LPCAT1: variants seen among roughly 807,000 people sequenced by gnomAD.
LPCAT1 encodes the protein lysophosphatidylcholine acyltransferase 1, also known as 1-acylglycerol-3-phosphate O-acyltransferase.
Under a neutral mutation model 60.9 loss-of-function variants are expected in LPCAT1, and 23 were observed. The observed-to-expected ratio is 0.38, with a 90% CI of 0.27 to 0.53. LPCAT1 has a LOEUF of 0.53. Ranked by LOEUF, LPCAT1 falls within the 20% of genes least tolerant of loss-of-function variation. The pLI, the probability that LPCAT1 is intolerant of heterozygous loss-of-function variation, is 0.82. For missense variants in LPCAT1, 622 were observed against 723.6 expected, an observed-to-expected ratio of 0.86 and a Z score of 1.61; for synonymous variants, 340 against 301.1, an observed-to-expected ratio of 1.13 and a Z score of -1.34.
Position 1,463,733 on chromosome 5 carries a change from G to A in LPCAT1, c.1523C>T (p.Pro508Leu), listed in dbSNP as rs142709570. The change falls in exon 14 of 14, where the codon CCA (proline) becomes CTA (leucine). Residue 508 changes from proline to leucine, a missense_variant. By Grantham distance (98) the Pro-to-Leu change is moderately conservative (BLOSUM62 -3). Around this residue, in one of 3 missense-constraint regions of LPCAT1, gnomAD observed 288 missense variants for 283.6 expected, o/e 1.02. Transcript: ENST00000283415. ...FESCAETSPA[P>L]IPNGFCADFS... ...ATCGGCACAGAAGCCGTTTGGGATT[G>A]GCGCAGGTGAGGTCTCTGCACAGCT... 3.9e-5 allele frequency: 63 copies of A among 1,614,268 alleles called. No individual in the cohort carries two copies. The African/African-American group carries it at 8.0e-4, about 20-fold the overall frequency.
rs199553328 is a variant in LPCAT1 at position 1,474,070 on chromosome 5, A to C, written c.1066T>G (p.Ser356Ala). 24 of 1,614,184 alleles carry C rather than the reference A, an allele frequency of 1.5e-5. No homozygotes were observed. In the Admixed American group the frequency reaches 3.8e-4, roughly 26 times the overall value. Reference protein sequence around the residue: ...EKLEKDLDRYSERARMKGGEK... With the variant: ...EKLEKDLDRYAERARMKGGEK... ...CCTCCCTTCATCCTGGCTCTTTCTG[A>C]GTATCTGTCCAGATCTTTTTCAAGC... is the stretch of plus-strand genomic sequence containing the variant. Residue 356 changes from serine (S) to alanine (A), a missense_variant, in exon 11 of 14, where the codon TCA becomes GCA. By Grantham distance (99) the Ser-to-Ala change is moderately conservative. Coordinates refer to ENST00000283415, the MANE Select transcript of LPCAT1 (RefSeq NM_024830.5).
rs189972752 is a variant in LPCAT1, at chr5:1,483,834, T to A, written c.668-348A>T. ...TGGAGGGACACTTTCTGCTGTAACA[T>A]CGCGCACCAGCTGGAAGGCGTCTGT... On this transcript the variant is annotated intron_variant, in intron 5 of 13. Transcript: ENST00000283415. The surrounding 1 kb of genome is among the most constrained non-coding windows in gnomAD (Gnocchi z 9.2). Among the ~76,000 whole-genome samples, 153 of 146,912 alleles carry A rather than the reference T, an allele frequency of 1.0e-3. 1 individual carries two copies. The highest frequency in any genetic ancestry group is 3.4e-3 in the Middle Eastern group (1 of 292).
Position 1,477,356 on chromosome 5 carries a change from T to C in LPCAT1, c.899+48A>G. 4 of 1,491,242 alleles carry C rather than the reference T, an allele frequency of 2.7e-6. No individual in the cohort carries two copies. Among genetic ancestry groups the C allele is most frequent in the Non-Finnish European group, 3.7e-6 (4 of 1,071,408 alleles). The allele number at this position is 1,491,242 out of a possible 1,614,324, so 92.4% of individuals were successfully genotyped here. A position where few individuals can be genotyped will look rare whatever the true frequency, so the allele number is the denominator to read the frequency against. On this transcript the variant is annotated intron_variant, in intron 9 of 13. Coordinates refer to ENST00000283415, the MANE Select transcript of LPCAT1 (RefSeq NM_024830.5). This position sits in a 1 kb window ranked among gnomAD's most constrained non-coding sequence, Gnocchi z 6.0. ...TTTAAATATACAGAGAGCAGCACTC[T>C]GGGAGACACCCCTGACTCGGCGATG...
chr5:1,516,461 C>T (rs573836788), intron 1 of LPCAT1, among the ~76,000 whole-genome samples: 2 of 152,314 alleles, frequency 1.3e-5, no homozygotes, highest in East Asian at 3.9e-4. Context: ...CCCAGGCATT[C>T]CATGCTGATC....
intron 1 of LPCAT1, among the ~76,000 whole-genome samples, chr5:1,519,865 T>C (rs2126628151): frequency 6.6e-6 from 1 of 152,316 alleles, no homozygotes. Flanking sequence ...CCTGGCCTTC[T>C]CCATCCTCCC....
rs1232473180 is a variant in LPCAT1 at position 1,483,083 on chromosome 5, G to T, written c.726+345C>A. ...CCTGGCCGGTGATGTGGGGTGGAGG[G>T]GTTCCCTCTCCAAAATGTCAGGTTT... On this transcript the variant is annotated intron_variant, in intron 6 of 13. Coordinates refer to ENST00000283415, the MANE Select transcript of LPCAT1 (RefSeq NM_024830.5). This position sits in a 1 kb window ranked among gnomAD's most constrained non-coding sequence, Gnocchi z 9.2. Among the ~76,000 whole-genome samples, 1 of 152,188 alleles carries T rather than the reference G, an allele frequency of 6.6e-6. No individual in the cohort carries two copies.
chr5:1,510,906 G>A (rs1379705378), intron 1 of LPCAT1: 1 of 152,490 alleles, frequency 6.6e-6, no homozygotes, highest in Non-Finnish European at 1.5e-5. Context: ...GAGGAGTGCA[G>A]TGTCTCTGGA....
chr5:1,498,565 ACT>A (rs1240254293), intron 2 of LPCAT1, among the ~76,000 whole-genome samples: 1 of 152,164 alleles, frequency 6.6e-6, no homozygotes, highest in East Asian at 1.9e-4. Flanking sequence ...ACACACATAT[ACT>A]CTCATACACA....
intron 1 of LPCAT1, among the ~76,000 whole-genome samples, chr5:1,507,195 T>C (rs1472144981): frequency 2.6e-5 from 4 of 152,104 alleles, no homozygotes; most frequent in Non-Finnish European, 5.9e-5. Context: ...GGGAGGACAC[T>C]GTGGACGCCT....
intron 1 of LPCAT1, among the ~76,000 whole-genome samples, chr5:1,514,396 C>T (rs953362117): frequency 5.9e-5 from 9 of 152,338 alleles, no homozygotes; most frequent in South Asian, 2.1e-4. Context: ...CCATGCCAAA[C>T]GCTCGCGGTG....
At chr5:1,470,058 G>T (rs1734604104) in intron 12 of LPCAT1, among the ~76,000 whole-genome samples, 1 of 152,246 alleles carries the variant, frequency 6.6e-6, no homozygotes, top group Admixed American at 6.5e-5. Flanking sequence ...GCAAGAGAAG[G>T]GAGTTCTTGG....
At chr5:1,485,279 C>T (rs1026274472) in intron 5 of LPCAT1, among the ~76,000 whole-genome samples, 15 of 152,138 alleles carry the variant, frequency 9.9e-5, no homozygotes, top group African/African-American at 1.4e-4. Context: ...ATGGAAACCC[C>T]GGTGGGAAAG....
rs1734804458 is a variant in LPCAT1, at chr5:1,474,171, A to AT, written c.1026-62dup. 2.0e-6 allele frequency: 3 copies of AT among 1,532,598 alleles called. No individual in the cohort carries two copies. In the African/African-American group the frequency reaches 4.1e-5, roughly 21 times the overall value. The allele number at this position is 1,532,598 out of a possible 1,614,324, so 94.9% of individuals were successfully genotyped here. A position where few individuals can be genotyped will look rare whatever the true frequency, so the allele number is the denominator to read the frequency against. ...TAAAATGGTGGCATGCTAACACCAG[A>AT]TTTACTTCTAAGACTCATCAAAATA... On this transcript the variant is annotated intron_variant, in intron 10 of 13. Transcript: ENST00000283415.
At chr5:1,509,179 G>A (rs1424323667) in intron 1 of LPCAT1, among the ~76,000 whole-genome samples, 1 of 152,262 alleles carries the variant, frequency 6.6e-6, no homozygotes, top group African/African-American at 2.4e-5. Flanking sequence ...CGAAGGCCGC[G>A]AGGCCGCGTC....
intron 3 of LPCAT1, 109 bp from the exon 4 acceptor site, chr5:1,489,967 G>C: frequency 1.3e-6 from 1 of 788,432 alleles, no homozygotes; most frequent in Non-Finnish European, 2.2e-6. Flanking sequence ...GGAGACTCCA[G>C]ATGCCCCAGG....
intron 3 of LPCAT1, among the ~76,000 whole-genome samples, chr5:1,492,152 G>A (rs1365613789): frequency 6.6e-6 from 1 of 152,048 alleles, no homozygotes; most frequent in Non-Finnish European, 1.5e-5. Flanking sequence ...TGGGACCACG[G>A]GAGATGTCTC....
chr5:1,494,335 C>T (rs765788036), intron 3 of LPCAT1, among the ~76,000 whole-genome samples: 12 of 152,208 alleles, frequency 7.9e-5, no homozygotes, highest in Non-Finnish European at 1.3e-4. Context: ...GAAAATTACA[C>T]AGGAAACCCC....
intron 11 of LPCAT1, among the ~76,000 whole-genome samples, chr5:1,473,588 G>A (rs1036310994): frequency 6.6e-6 from 1 of 152,200 alleles, no homozygotes; most frequent in Admixed American, 6.5e-5. Context: ...ATAGAGGACG[G>A]GCGTGTTATT....
At chr5:1,498,920 C>T (rs889716845) in intron 2 of LPCAT1, among the ~76,000 whole-genome samples, 6 of 147,046 alleles carry the variant, frequency 4.1e-5, no homozygotes, top group African/African-American at 7.3e-5. Context: ...CACTCACATG[C>T]GCATATGTAC....
Sources: gnomAD v4.1 joint callset for allele counts (sites outside exome capture counted in the v4.1 genomes callset) on GRCh38, gnomAD v4.1.1 for gene constraint, gnomAD v4.1.1 regional missense constraint, Gnocchi (gnomAD v3.1) non-coding constraint, MANE v1.5 for transcripts, NCBI Gene and HGNC (gene_info 2026-07-23, HGNC 2026-07-21) for gene names.